CCDC136: variants seen among roughly 807,000 people sequenced by gnomAD.
CCDC136 encodes the protein coiled-coil domain containing 136, also known as coiled-coil domain-containing protein 136.
In CCDC136, 100 loss-of-function variants were observed where a neutral mutation model predicts 141.2. The observed-to-expected ratio is 0.71, with a 90% CI of 0.60 to 0.84. CCDC136 has a LOEUF of 0.84. Ranked by LOEUF, CCDC136 falls within the 40% of genes least tolerant of loss-of-function variation. The pLI is 0.00. For missense variants in CCDC136, 1,206 were observed against 1,379.4 expected (o/e 0.87, Z 1.99); for synonymous variants, 474 against 531.9 (o/e 0.89, Z 1.50).
rs961914095 is a variant in CCDC136, at chr7:128,794,249, A to G, written c.17-99A>G. ...TTGGGGGACACCAGGTGGCACTAGT[A>G]TGTCATCTCTGCCCTGGCATAGTGA... On this transcript the variant is annotated intron_variant, in intron 1 of 17. Transcript: ENST00000297788. This position sits in a 1 kb window ranked among gnomAD's most constrained non-coding sequence, Gnocchi z 4.3. The G allele has an allele frequency of 4.0e-6, 6 of 1,511,930 alleles. No individual in the cohort carries two copies. Among genetic ancestry groups the G allele is most frequent in the Non-Finnish European group, 5.4e-6 (6 of 1,113,184 alleles). The allele number at this position is 1,511,930 out of a possible 1,614,324, so 93.7% of individuals were successfully genotyped here.
intron 8 of CCDC136, 109 bp downstream of exon 8, chr7:128,806,504 A>C: frequency 8.6e-7 from 1 of 1,164,496 alleles, no homozygotes; most frequent in Non-Finnish European, 1.2e-6. Flanking sequence ...CAGCAACCAC[A>C]TAGGCAGCAC....
chr7:128,794,792 A>G lies in CCDC136; in HGVS notation c.346+24A>G. 1 of 1,544,544 alleles carries G rather than the reference A, an allele frequency of 6.5e-7. No individual in the cohort carries two copies. The highest frequency in any genetic ancestry group is 8.8e-7 in the Non-Finnish European group (1 of 1,140,850). On this transcript the variant is annotated intron_variant, in intron 3 of 17. Transcript: ENST00000297788. This position sits in a 1 kb window ranked among gnomAD's most constrained non-coding sequence, Gnocchi z 4.3. The stretch of plus-strand genomic sequence containing the variant: ...AGGTAATTCCCAGGACTTGGACTGG[A>G]GGGAGGTGGCCATCCAAGTGGTCAC...
At position 128,814,885 on chromosome 7, in the gene CCDC136, C is replaced by G; in HGVS notation, c.3011C>G (p.Ser1004Trp). The change falls in exon 15 of 18, where the codon TCG (serine) becomes TGG (tryptophan). Residue 1004 changes from serine (S) to tryptophan (W), a missense_variant. Ser to Trp is a radical substitution (Grantham distance 177). Transcript: ENST00000297788. ...VKMKKVTKPC[S>W]DTSESDLETR... ...ATGAAAAAGGTGACCAAGCCATGCT[C>G]GGATACTTCTGAGAGCGACCTTGAG... is the stretch of plus-strand genomic sequence containing the variant. 3.1e-6 allele frequency: 5 copies of G among 1,604,274 alleles called. No individual in the cohort carries two copies. In the South Asian group the frequency reaches 5.6e-5, roughly 18 times the overall value.
At chr7:128,815,132 C>T (rs768261028) in intron 15 of CCDC136, among the ~76,000 whole-genome samples, 21 of 152,198 alleles carry the variant, frequency 1.4e-4, no homozygotes, top group South Asian at 2.1e-4. Context: ...CAACTCACAT[C>T]GGGAGGTGCA....
At chr7:128,796,739 A>ATATATATATATATATATTTTTTTTTTTTT in intron 3 of CCDC136, among the ~76,000 whole-genome samples, 1 of 113,376 alleles carries the variant, frequency 8.8e-6, no homozygotes, top group African/African-American at 4.6e-5. Context: ...ATATATATAT[A>ATATATATATATATATATTTTTTTTTTTTT]TTCTTTTTTT....
At chr7:128,799,364 C>T (rs73467192) in intron 3 of CCDC136, among the ~76,000 whole-genome samples, 2,112 of 151,736 alleles carry the variant, frequency 0.014, 55 homozygotes, top group African/African-American at 0.048. Flanking sequence ...GAAAACCCCC[C>T]AAACCCCAAA....
At position 128,812,323 on chromosome 7, in the gene CCDC136, C is replaced by T. The variant is rs761657116; in HGVS notation, c.2541+11C>T. On this transcript the variant is annotated intron_variant, in intron 13 of 17. Coordinates refer to ENST00000297788, the MANE Select transcript of CCDC136 (RefSeq NM_022742.5). ...CCTGAAGACATGGAGGTAATGGTTG[C>T]CAGGTGACAGGTCAGGCAGGGGACG... 1.9e-6 allele frequency: 3 copies of T among 1,606,840 alleles called. No individual in the cohort carries two copies. The highest frequency in any genetic ancestry group is 1.1e-5 in the South Asian group (1 of 90,328).
chr7:128,819,882 G>A (rs1330738879), intron 17 of CCDC136, among the ~76,000 whole-genome samples: 1 of 151,978 alleles, frequency 6.6e-6, no homozygotes, highest in Non-Finnish European at 1.5e-5. Flanking sequence ...AGCTCTTTAG[G>A]TAACTAATAT....
intron 17 of CCDC136, among the ~76,000 whole-genome samples, chr7:128,819,643 T>C (rs751173824): frequency 3.7e-4 from 57 of 152,322 alleles, no homozygotes; most frequent in Non-Finnish European, 5.9e-4. Context: ...AACAACCCCA[T>C]GAAGAAGCTA....
chr7:128,793,905 C>A (rs1044523771), intron 1 of CCDC136, among the ~76,000 whole-genome samples: 1 of 152,226 alleles, frequency 6.6e-6, no homozygotes, highest in Non-Finnish European at 1.5e-5. Context: ...AGCCAGCATG[C>A]CTGGTCAGTT....
chr7:128,803,678 A>C (rs1393263624), intron 4 of CCDC136, among the ~76,000 whole-genome samples: 1 of 152,134 alleles, frequency 6.6e-6, no homozygotes, highest in African/African-American at 2.4e-5. Context: ...AAAAGGAAAA[A>C]GTATAGGTAT....
chr7:128,810,372 C>T lies in CCDC136; in HGVS notation c.2028+6C>T. On this transcript the variant is annotated splice_donor_region_variant and intron_variant, in intron 12 of 17. Transcript: ENST00000297788. ...CCAAATGTAATCGAAACAAGGTAACCATAGCAAGAGGTAGGGAGACAGTTC... is the reference window on the plus strand; with the variant it reads ...CCAAATGTAATCGAAACAAGGTAACTATAGCAAGAGGTAGGGAGACAGTTC... 4 of 1,597,248 alleles carry T rather than the reference C, an allele frequency of 2.5e-6. No individual in the cohort carries two copies. The highest frequency in any genetic ancestry group is 3.4e-6 in the Non-Finnish European group (4 of 1,165,960).
intron 17 of CCDC136, among the ~76,000 whole-genome samples, chr7:128,819,971 C>T (rs896725768): frequency 6.6e-6 from 1 of 152,168 alleles, no homozygotes; most frequent in African/African-American, 2.4e-5. Flanking sequence ...CCATTCTGTA[C>T]CTGCATTTGA....
rs368985899 is a variant in CCDC136, at chr7:128,815,867, A to G, written c.3299A>G (p.Asp1100Gly). 9.9e-6 allele frequency: 16 copies of G among 1,613,868 alleles called. No homozygotes were observed. Among genetic ancestry groups the G allele is most frequent in the Non-Finnish European group, 1.2e-5 (14 of 1,179,872 alleles). The change falls in exon 16 of 18, where the codon GAC becomes GGC. Residue 1100 changes from aspartate (D) to glycine (G), a missense_variant. Coordinates refer to ENST00000297788, the MANE Select transcript of CCDC136 (RefSeq NM_022742.5). ...GAAGACAGTGAAGAGGAGGAGGATG[A>G]CGCCGACTCTTCCCTTGAAAGTCCC... ...KEEDSEEEED[D>G]ADSSLESPEE... is the part of the protein sequence containing the mutation.
Position 128,817,944 on chromosome 7 carries a change from C to G in CCDC136, c.*5+80C>G. 1 of 1,031,832 alleles carries G rather than the reference C, an allele frequency of 9.7e-7. No homozygotes were observed. The highest frequency in any genetic ancestry group is 1.5e-6 in the Non-Finnish European group (1 of 671,076). The allele number at this position is 1,031,832 out of a possible 1,614,324, so 63.9% of individuals were successfully genotyped here. ...CTGGCCTCTCCTCTTTCCCTTTTCT[C>G]CCAGCTGCTTGCTTCTTGCTTGTGC... On this transcript the variant is annotated intron_variant, in intron 17 of 17. Transcript: ENST00000297788. This position sits in a 1 kb window ranked among gnomAD's most constrained non-coding sequence, Gnocchi z 4.6.
At position 128,794,718 on chromosome 7, in the gene CCDC136, C is replaced by T. The variant is rs531351100; in HGVS notation, c.296C>T (p.Ala99Val). The T allele has an allele frequency of 6.4e-7, 1 of 1,551,690 alleles. No individual in the cohort carries two copies. Among genetic ancestry groups the T allele is most frequent in the African/African-American group, 1.4e-5 (1 of 73,180 alleles). Residue 99 changes from alanine (A) to valine (V), a missense_variant, in exon 3 of 18, where the codon GCC (alanine) becomes GTC (valine). Physicochemically the swap from Ala to Val is moderately conservative, Grantham distance 64. Coordinates refer to ENST00000297788, the MANE Select transcript of CCDC136 (RefSeq NM_022742.5). This position sits in a 1 kb window ranked among gnomAD's most constrained non-coding sequence, Gnocchi z 4.3. ...LQGLLEDERL[A>V]SAQQAEVFTK... ...GGGCTCCTGGAGGATGAACGGCTAG[C>T]CAGCGCCCAGCAGGCAGAGGTGTTC... is the stretch of plus-strand genomic sequence containing the variant.
In CCDC136 at chr7:128,792,176, C is replaced by T; in HGVS notation, c.-236C>T. The T allele has an allele frequency of 3.5e-6, 5 of 1,444,690 alleles. No individual in the cohort carries two copies. The South Asian group carries it at 7.3e-5, about 21-fold the overall frequency. 89.5% of individuals were successfully genotyped at this position (1,444,690 alleles called of 1,614,324 possible). A position where few individuals can be genotyped will look rare whatever the true frequency, so the allele number is the denominator to read the frequency against. On this transcript the variant is annotated 5_prime_UTR_variant, in exon 1 of 18. Transcript: ENST00000297788. The stretch of plus-strand genomic sequence containing the variant: ...TGGCCGAGAGAGAGGAGTCGCAGAG[C>T]CGCCAGAGTGAGTCAGGCACCTCCA...
At chr7:128,793,632 G>A (rs1009422342) in intron 1 of CCDC136, among the ~76,000 whole-genome samples, 1 of 152,090 alleles carries the variant, frequency 6.6e-6, no homozygotes, top group African/African-American at 2.4e-5. Flanking sequence ...TGTTTGAGAC[G>A]GAGACTCACT....
intron 3 of CCDC136, among the ~76,000 whole-genome samples, chr7:128,798,910 A>G (rs983260706): frequency 1.3e-5 from 2 of 149,388 alleles, no homozygotes; most frequent in Non-Finnish European, 3.0e-5. Flanking sequence ...ACATGCCCAT[A>G]GTTCCACATG....
Sources: allele counts gnomAD v4.1 joint callset (sites outside exome capture counted in the v4.1 genomes callset), GRCh38; gene constraint gnomAD v4.1.1; non-coding constraint Gnocchi (gnomAD v3.1); transcripts MANE v1.5; gene names NCBI Gene and HGNC (gene_info 2026-07-23, HGNC 2026-07-21).